Variants in GNPTAB observed in about 807,000 individuals in gnomAD.
GNPTAB encodes N-acetylglucosamine-1-phosphotransferase subunits alpha/beta.
Under a neutral mutation model 136.6 loss-of-function variants are expected in GNPTAB, and 92 were observed. The ratio of observed to expected loss-of-function variants is 0.67; its 90% CI spans 0.57 to 0.80. The LOEUF (loss-of-function observed/expected upper bound fraction) is 0.80. GNPTAB is among the 30% of genes least tolerant of loss of function. The pLI is 0.00. For missense variants in GNPTAB, 1,343 were observed against 1,501.8 expected (o/e 0.89, Z 1.75); for synonymous variants, 512 against 535.1 (o/e 0.96, Z 0.60).
chr12:101,763,221 C>CAAAAA (rs754822672), intron 13 of GNPTAB, among the ~76,000 whole-genome samples: 1 of 59,898 alleles, frequency 1.7e-5, no homozygotes. Context: ...AACTCCATCT[C>CAAAAA]AAAAAAAAAA....
At chr12:101,807,514 GA>G (rs35018199) in intron 1 of GNPTAB, among the ~76,000 whole-genome samples, 347 of 148,290 alleles carry the variant, frequency 2.3e-3, no homozygotes, top group African/African-American at 5.3e-3. Context: ...TTGAATAGAA[GA>G]AAAAAAAAAC....
At chr12:101,799,886 G>A (rs900208950) in intron 1 of GNPTAB, among the ~76,000 whole-genome samples, 2 of 151,790 alleles carry the variant, frequency 1.3e-5, no homozygotes, top group Non-Finnish European at 2.9e-5. Flanking sequence ...GAAGAGGAGG[G>A]GCATAAAGAT....
chr12:101,805,943 A>G (rs922016862), intron 1 of GNPTAB, among the ~76,000 whole-genome samples: 2 of 152,232 alleles, frequency 1.3e-5, no homozygotes, highest in African/African-American at 4.8e-5. Flanking sequence ...TGATTTAAAA[A>G]TTAAACAGGA....
intron 1 of GNPTAB, among the ~76,000 whole-genome samples, chr12:101,804,882 A>G (rs1869851117): frequency 6.6e-6 from 1 of 152,260 alleles, no homozygotes; most frequent in South Asian, 2.1e-4. Flanking sequence ...TAAAATTTAA[A>G]TAATACTATC....
At position 101,761,186 on chromosome 12, in the gene GNPTAB, A is replaced by T; in HGVS notation, c.3076T>A (p.Ser1026Thr). The T allele has an allele frequency of 6.2e-7, 1 of 1,614,162 alleles. No individual in the cohort carries two copies. Among genetic ancestry groups the T allele is most frequent in the Non-Finnish European group, 8.5e-7 (1 of 1,179,966 alleles). Residue 1026 changes from serine (S) to threonine (T), a missense_variant, in exon 15 of 21, where the codon TCT (serine) becomes ACT (threonine). Transcript: ENST00000299314. ...EVDTDQSGVLSDREIRTLATR... is the reference protein window; with the variant it reads ...EVDTDQSGVLTDREIRTLATR... ...GCCAGTGTTCGGATTTCTCTGTCAG[A>T]CAAGACACCAGATTGATCTGTATCA...
At chr12:101,769,315 G>C (rs1304874043) in intron 10 of GNPTAB, among the ~76,000 whole-genome samples, 1 of 151,814 alleles carries the variant, frequency 6.6e-6, no homozygotes, top group African/African-American at 2.4e-5. Flanking sequence ...AGTGCAACAG[G>C]CTACCTTAAA....
At chr12:101,755,188 A>C (rs771384447) in intron 18 of GNPTAB, among the ~76,000 whole-genome samples, 3 of 152,212 alleles carry the variant, frequency 2.0e-5, no homozygotes, top group Non-Finnish European at 2.9e-5. Flanking sequence ...ACTTAATATT[A>C]ATCAGGTAGC....
At chr12:101,780,677 G>A (rs1242048053) in intron 5 of GNPTAB, 56 bp from the exon 6 acceptor site, 3 of 1,099,894 alleles carry the variant, frequency 2.7e-6, no homozygotes, top group Non-Finnish European at 4.2e-6. Flanking sequence ...CAACTATGGT[G>A]TCTGGCAGAA....
At chr12:101,806,769 T>A (rs1312315646) in intron 1 of GNPTAB, among the ~76,000 whole-genome samples, 1 of 151,938 alleles carries the variant, frequency 6.6e-6, no homozygotes, top group Admixed American at 6.6e-5. Context: ...TATAAAAAAA[T>A]TTGAATCAAT....
At chr12:101,799,168 G>A (rs950107215) in intron 1 of GNPTAB, among the ~76,000 whole-genome samples, 18 of 152,122 alleles carry the variant, frequency 1.2e-4, no homozygotes, top group African/African-American at 4.3e-4. Context: ...GTCCAGAATT[G>A]CTATAAGAAA....
At chr12:101,763,545 TAAG>T (rs1953033836) in intron 13 of GNPTAB, among the ~76,000 whole-genome samples, 1 of 152,144 alleles carries the variant, frequency 6.6e-6, no homozygotes, top group Non-Finnish European at 1.5e-5. Flanking sequence ...TAGGCAGAGC[TAAG>T]GAGTCCTCCC....
intron 4 of GNPTAB, among the ~76,000 whole-genome samples, chr12:101,786,650 G>A (rs1425431740): frequency 1.3e-5 from 2 of 152,128 alleles, no homozygotes; most frequent in Non-Finnish European, 2.9e-5. Flanking sequence ...CATTGGATGT[G>A]ACACTACACT....
In GNPTAB at chr12:101,757,646, A is replaced by G; in HGVS notation, c.3261T>C (p.Thr1087=). The G allele has an allele frequency of 6.4e-7, 1 of 1,555,168 alleles. No individual in the cohort carries two copies. Among genetic ancestry groups the G allele is most frequent in the Non-Finnish European group, 8.9e-7 (1 of 1,126,730 alleles). Residue 1087 remains threonine, a synonymous_variant, in exon 17 of 21, where the codon ACT becomes ACC. Transcript: ENST00000299314. ...GTTTACAGTTTGTTACTAGACTTTT[A>G]GTGACCGGTGGCTATGAGAAAATAT... ...SYYDPNLPPV[T]KSLVTNCKPV... is the part of the protein sequence containing the mutation.
intron 5 of GNPTAB, chr12:101,785,774 T>C: frequency 2.0e-6 from 1 of 491,046 alleles, no homozygotes. Context: ...TGATATCAGA[T>C]TGAAAGTCCT....
chr12:101,826,947 G>GTTTT, intron 1 of GNPTAB, among the ~76,000 whole-genome samples: 1 of 119,692 alleles, frequency 8.4e-6, no homozygotes, highest in Non-Finnish European at 1.8e-5. Flanking sequence ...CCCTGTGGGA[G>GTTTT]TTGTTTTTTT....
intron 5 of GNPTAB, among the ~76,000 whole-genome samples, chr12:101,783,729 T>G (rs1267501912): frequency 1.3e-5 from 2 of 151,924 alleles, no homozygotes; most frequent in Non-Finnish European, 2.9e-5. Context: ...ACTTTTTTTT[T>G]TTTTTCAGAC....
At chr12:101,769,275 A>G (rs974441255) in intron 10 of GNPTAB, among the ~76,000 whole-genome samples, 1 of 152,152 alleles carries the variant, frequency 6.6e-6, no homozygotes, top group Non-Finnish European at 1.5e-5. Flanking sequence ...ACTCTTAACC[A>G]CTTCTCCATC....
At chr12:101,775,883 AG>A (rs568208137) in intron 7 of GNPTAB, among the ~76,000 whole-genome samples, 170 of 152,288 alleles carry the variant, frequency 1.1e-3, no homozygotes, top group Non-Finnish European at 2.1e-3. Context: ...CAGAGCTTTG[AG>A]GGGGGCAGAG....
At chr12:101,814,710 TACTC>T (rs1393575874) in intron 1 of GNPTAB, among the ~76,000 whole-genome samples, 2 of 151,962 alleles carry the variant, frequency 1.3e-5, no homozygotes, top group Non-Finnish European at 2.9e-5. Flanking sequence ...AATAAATAAA[TACTC>T]ATTTAAAAAT....
Sources: allele counts gnomAD v4.1 joint callset (sites outside exome capture counted in the v4.1 genomes callset), GRCh38; gene constraint gnomAD v4.1.1; transcripts MANE v1.5; gene names NCBI Gene and HGNC (gene_info 2026-07-23, HGNC 2026-07-21).